The following HECTD4 variants were observed in gnomAD, a reference collection of about 807,000 sequenced individuals.
HECTD4 encodes the protein probable E3 ubiquitin-protein ligase HECTD4.
Under a neutral mutation model 471.5 loss-of-function variants are expected in HECTD4, and 114 were observed. The observed-to-expected ratio is 0.24, with a 90% CI of 0.21 to 0.28. The LOEUF (loss-of-function observed/expected upper bound fraction) is 0.28, where lower values mean the gene tolerates loss of function less well. Among genes scored for constraint, HECTD4 ranks in the 10% least tolerant of loss-of-function variants. HECTD4 has a pLI of 1.00. For synonymous variants in HECTD4, 2,012 were observed against 2,256.0 expected (o/e 0.89, Z 3.07); for missense variants, 3,866 against 5,651.5 (o/e 0.68, Z 10.13).
chr12:112,305,927 A>G, intron 7 of HECTD4, 137 bp downstream of exon 7: 1 of 702,058 alleles, frequency 1.4e-6, no homozygotes, highest in Non-Finnish European at 2.1e-6. Flanking sequence ...AAGACATCTA[A>G]GAGAAAAATC....
chr12:112,195,171 C>T, intron 55 of HECTD4, 105 bp from the exon 56 acceptor site: 1 of 931,916 alleles, frequency 1.1e-6, no homozygotes, highest in Non-Finnish European at 1.6e-6. Context: ...CCTCAGGCTT[C>T]TCTTCCAGCC....
At chr12:112,283,007 T>C (rs1235969763) in intron 8 of HECTD4, 103 bp downstream of exon 8, 5 of 821,042 alleles carry the variant, frequency 6.1e-6, no homozygotes, top group Admixed American at 6.3e-5. Flanking sequence ...AAGTCAACTA[T>C]GCAAAGGAAA....
At chr12:112,223,950 T>G (rs978714160) in intron 44 of HECTD4, among the ~76,000 whole-genome samples, 13 of 152,198 alleles carry the variant, frequency 8.5e-5, no homozygotes, top group Non-Finnish European at 1.5e-5. Context: ...ATCAATACAT[T>G]ATTGCTTATA....
At chr12:112,222,080 CA>C (rs1194092839) in intron 44 of HECTD4, among the ~76,000 whole-genome samples, 7 of 152,086 alleles carry the variant, frequency 4.6e-5, no homozygotes, top group Admixed American at 6.6e-5. Flanking sequence ...CGTGCCACCA[CA>C]CCCGGCTAAT....
At chr12:112,334,513 G>A (rs966638535) in intron 1 of HECTD4, among the ~76,000 whole-genome samples, 17 of 151,582 alleles carry the variant, frequency 1.1e-4, no homozygotes, top group Admixed American at 7.9e-4. Flanking sequence ...GGCCATAATC[G>A]GCCAGGCACG....
chr12:112,315,106 G>T (rs115830953), intron 2 of HECTD4, among the ~76,000 whole-genome samples: 21 of 152,278 alleles, frequency 1.4e-4, no homozygotes, highest in African/African-American at 4.8e-4. Context: ...ACCGCTACCT[G>T]AATTCCTTGT....
chr12:112,209,075 A>AT (rs2032681360), intron 50 of HECTD4, among the ~76,000 whole-genome samples: 1 of 150,716 alleles, frequency 6.6e-6, no homozygotes. Context: ...TATTTTTTAA[A>AT]TTTTTTTGTA....
intron 1 of HECTD4, among the ~76,000 whole-genome samples, chr12:112,328,123 T>G (rs1236365781): frequency 6.9e-6 from 1 of 145,386 alleles, no homozygotes; most frequent in Non-Finnish European, 1.5e-5. Context: ...TTTATTTATT[T>G]ATTTATTTAT....
chr12:112,273,773 G>A lies in HECTD4; in HGVS notation c.1824C>T (p.Asn608=). 6.2e-7 allele frequency: 1 copy of A among 1,613,902 alleles called. No homozygotes were observed. The highest frequency in any genetic ancestry group is 8.5e-7 in the Non-Finnish European group (1 of 1,179,866). ...PGLGACYDTV[N]NMLWTCSNDY... Reference sequence around the variant, plus strand: ...CATTTGAGCATGTCCATAGCATGTTGTTCACTGTGTCATAACACGCTCCTG... The same window carrying A: ...CATTTGAGCATGTCCATAGCATGTTATTCACTGTGTCATAACACGCTCCTG... Residue 608 remains asparagine, a synonymous_variant, in exon 11 of 76, where the codon AAC becomes AAT. Coordinates refer to ENST00000682272, the MANE Select transcript of HECTD4 (RefSeq NM_001388303.1).
chr12:112,381,931 G>T lies in HECTD4; in HGVS notation c.177+21C>A. 8.2e-7 allele frequency: 1 copy of T among 1,221,348 alleles called. No homozygotes were observed. Among genetic ancestry groups the T allele is most frequent in the East Asian group, 3.2e-5 (1 of 30,980 alleles). The allele number at this position is 1,221,348 out of a possible 1,614,324, so 75.7% of individuals were successfully genotyped here. A position where few individuals can be genotyped will look rare whatever the true frequency, so the allele number is the denominator to read the frequency against. On this transcript the variant is annotated intron_variant, in intron 1 of 75. Coordinates refer to ENST00000682272, the MANE Select transcript of HECTD4 (RefSeq NM_001388303.1). The surrounding 1 kb of genome is among the most constrained non-coding windows in gnomAD (Gnocchi z 4.1). ...CGAGTGGGTCAGTCCGATGGCGGGG[G>T]CCGGGGGCCGCCTCGCTCACCTCCA...
chr12:112,251,512 C>T (rs1275941109), intron 23 of HECTD4, among the ~76,000 whole-genome samples: 1 of 152,216 alleles, frequency 6.6e-6, no homozygotes, highest in Non-Finnish European at 1.5e-5. Context: ...GTGATGTTGT[C>T]AATGACTGCA....
At chr12:112,177,537 G>A (rs912381064) in intron 64 of HECTD4, among the ~76,000 whole-genome samples, 2 of 152,048 alleles carry the variant, frequency 1.3e-5, no homozygotes, top group Non-Finnish European at 2.9e-5. Flanking sequence ...TCGCCACCAC[G>A]CCCGGCTAAT....
intron 1 of HECTD4, among the ~76,000 whole-genome samples, chr12:112,363,428 T>C (rs1434353625): frequency 6.6e-6 from 1 of 152,042 alleles, no homozygotes; most frequent in Non-Finnish European, 1.5e-5. Context: ...TGCTACTCAA[T>C]AAAAGTGGCT....
intron 1 of HECTD4, among the ~76,000 whole-genome samples, chr12:112,350,913 G>T (rs2036238387): frequency 6.6e-6 from 1 of 152,142 alleles, no homozygotes; most frequent in Admixed American, 6.6e-5. Flanking sequence ...CCAAATGCAA[G>T]TATGGCTCAA....
chr12:112,217,172 G>A lies in HECTD4; in HGVS notation c.7098C>T (p.Pro2366=), dbSNP rs780609131. 4.6e-6 allele frequency: 7 copies of A among 1,528,458 alleles called. No homozygotes were observed. In the South Asian group the frequency reaches 5.3e-5, roughly 11 times the overall value. The allele number at this position is 1,528,458 out of a possible 1,614,324, so 94.7% of individuals were successfully genotyped here. The change falls in exon 46 of 76, where the codon CCC becomes CCT. Residue 2366 remains proline (P), a synonymous_variant. Transcript: ENST00000682272. Reference sequence around the variant, plus strand: ...CTCGAACAGGCGGAAACACTCGCGAGGGGCTCCAAGTAATCTCTTTGGGCT... The same window carrying A: ...CTCGAACAGGCGGAAACACTCGCGAAGGGCTCCAAGTAATCTCTTTGGGCT... ...RRQPKEITWS[P]SRVFPPVRAC...
At chr12:112,346,507 C>T (rs1174115284) in intron 1 of HECTD4, among the ~76,000 whole-genome samples, 1 of 152,214 alleles carries the variant, frequency 6.6e-6, no homozygotes, top group African/African-American at 2.4e-5. Flanking sequence ...CCTATTACTA[C>T]ATATAAACTG....
At position 112,288,817 on chromosome 12, in the gene HECTD4, T is replaced by A. The variant is rs549038409; in HGVS notation, c.1336-5515A>T. Among the ~76,000 whole-genome samples, 45 of 152,284 alleles carry A rather than the reference T, an allele frequency of 3.0e-4. No homozygotes were observed. The South Asian group carries it at 8.9e-3, about 30-fold the overall frequency. ...GGCACAGCCCAAGCTAAGCTCCCAG[T>A]TGAATGAAGCTGCAGATGTGACTTC... On this transcript the variant is annotated intron_variant, in intron 7 of 75. Transcript: ENST00000682272.
At chr12:112,169,191 G>A (rs1021983289) in intron 70 of HECTD4, among the ~76,000 whole-genome samples, 1 of 152,182 alleles carries the variant, frequency 6.6e-6, no homozygotes, top group Non-Finnish European at 1.5e-5. Flanking sequence ...CTCTCATGGG[G>A]CACACACAAG....
chr12:112,173,664 G>A lies in HECTD4; in HGVS notation c.11595-803C>T, dbSNP rs1407051188. Among the ~76,000 whole-genome samples the A allele has an allele frequency of 1.3e-5, 2 of 152,038 alleles. No homozygotes were observed. Among genetic ancestry groups the A allele is most frequent in the Non-Finnish European group, 2.9e-5 (2 of 68,022 alleles). On this transcript the variant is annotated intron_variant, in intron 66 of 75. Transcript: ENST00000682272. This position sits in a 1 kb window ranked among gnomAD's most constrained non-coding sequence, Gnocchi z 4.3. ...CCGCCTCAGCCTCCCAAAGTGCTGC[G>A]ATTACAGGCGTGAGCCAATGCGCCC... is the stretch of plus-strand genomic sequence containing the variant.
Sources: gnomAD v4.1 joint callset for allele counts (sites outside exome capture counted in the v4.1 genomes callset) on GRCh38, gnomAD v4.1.1 for gene constraint, Gnocchi (gnomAD v3.1) non-coding constraint, MANE v1.5 for transcripts, NCBI Gene and HGNC (gene_info 2026-07-23, HGNC 2026-07-21) for gene names.